The following CAMTA1 variants were observed in gnomAD, a reference collection of about 807,000 sequenced individuals.
The protein encoded by CAMTA1 is calmodulin-binding transcription activator 1.
CAMTA1 carries 27 observed loss-of-function variants against 170.9 expected under a neutral mutation model. The ratio of observed to expected loss-of-function variants is 0.16; its 90% CI spans 0.12 to 0.22. CAMTA1 has a LOEUF of 0.22. CAMTA1 is among the 10% of genes least tolerant of loss of function. The pLI is 1.00. For synonymous variants in CAMTA1, 833 were observed against 891.5 expected (o/e 0.93, Z 1.17); for missense variants, 1,619 against 2,217.2 (o/e 0.73, Z 5.42).
At chr1:7,652,944 G>T (rs539615848) in intron 7 of CAMTA1, among the ~76,000 whole-genome samples, 15 of 152,302 alleles carry the variant, frequency 9.8e-5, no homozygotes, top group African/African-American at 3.1e-4. Context: ...TCTCGGTTTT[G>T]GCATTAATAA....
chr1:7,703,357 G>A lies in CAMTA1; in HGVS notation c.2914+25624G>A, dbSNP rs116766635. Among the ~76,000 whole-genome samples the A allele has an allele frequency of 3.3e-3, 505 of 152,314 alleles. 1 individual carries two copies. The highest frequency in any genetic ancestry group is 0.012 in the African/African-American group (487 of 41,568). On this transcript the variant is annotated intron_variant, in intron 11 of 22. Transcript: ENST00000303635. The stretch of plus-strand genomic sequence containing the variant: ...CAGTGGGAATACTGACCTAGAGCAG[G>A]ATTGGAATATGTACTGGGGCTTTGC...
rs568775855 is a variant in CAMTA1, at chr1:7,417,425, C to G, written c.439-50405C>G. 3.3e-5 allele frequency among the ~76,000 whole-genome samples: 5 copies of G among 152,338 alleles called. No individual in the cohort carries two copies. In the South Asian group the frequency reaches 6.2e-4, roughly 19 times the overall value. On this transcript the variant is annotated intron_variant, in intron 5 of 22. Transcript: ENST00000303635. ...CCTCTTGAGCTGTGGTGGGCTCCAC[C>G]CAGTTCGAGCTTCCCGGCTGCTTTG...
At position 7,314,232 on chromosome 1, in the gene CAMTA1, A is replaced by G. The variant is rs550225355; in HGVS notation, c.438+64606A>G. On this transcript the variant is annotated intron_variant, in intron 5 of 22. Coordinates refer to ENST00000303635, the MANE Select transcript of CAMTA1 (RefSeq NM_015215.4). ...TCTCTACACATAGGGCAACCGTTTG[A>G]GTACTGAAGCAGGGTCCTCCAGCAG... Among the ~76,000 whole-genome samples the G allele has an allele frequency of 3.6e-4, 55 of 152,282 alleles. 2 individuals are homozygous for G. The South Asian group carries it at 0.011, about 31-fold the overall frequency.
intron 4 of CAMTA1, among the ~76,000 whole-genome samples, chr1:7,102,838 G>C (rs1038256291): frequency 6.6e-6 from 1 of 152,074 alleles, no homozygotes; most frequent in Non-Finnish European, 1.5e-5. Context: ...GGTTATGAGC[G>C]AGCCCTTTTA....
At chr1:7,445,329 G>A (rs887912898) in intron 5 of CAMTA1, among the ~76,000 whole-genome samples, 4 of 151,822 alleles carry the variant, frequency 2.6e-5, no homozygotes, top group Admixed American at 2.6e-4. Flanking sequence ...GCTGCTATGA[G>A]GAAAGACTGC....
intron 3 of CAMTA1, among the ~76,000 whole-genome samples, chr1:6,964,651 C>T (rs931874824): frequency 6.6e-6 from 1 of 152,224 alleles, no homozygotes; most frequent in East Asian, 1.9e-4. Context: ...CAAGTAGAAA[C>T]GTGACTGATA....
intron 4 of CAMTA1, among the ~76,000 whole-genome samples, chr1:7,182,096 A>G (rs916869463): frequency 1.2e-4 from 19 of 152,290 alleles, no homozygotes; most frequent in African/African-American, 4.3e-4. Context: ...TGGTATCTCA[A>G]ATCACTGGAG....
intron 5 of CAMTA1, among the ~76,000 whole-genome samples, chr1:7,287,453 C>A (rs531728349): frequency 6.6e-6 from 1 of 152,302 alleles, no homozygotes; most frequent in Non-Finnish European, 1.5e-5. Context: ...GCTATTCTAA[C>A]CAAGTTCCTC....
Position 6,934,520 on chromosome 1 carries a change from A to G in CAMTA1, c.234+109310A>G, listed in dbSNP as rs959680015. Among the ~76,000 whole-genome samples, 1 of 151,976 alleles carries G rather than the reference A, an allele frequency of 6.6e-6. No homozygotes were observed. The highest frequency in any genetic ancestry group is 1.5e-5 in the Non-Finnish European group (1 of 67,984). ...GAACATTCCTTTGAGGAGGAGAGAAAAGGAACTTGGCCACTGTGGACCCGC... is the reference window on the plus strand; with the variant it reads ...GAACATTCCTTTGAGGAGGAGAGAAGAGGAACTTGGCCACTGTGGACCCGC... On this transcript the variant is annotated intron_variant, in intron 3 of 22. Coordinates refer to ENST00000303635, the MANE Select transcript of CAMTA1 (RefSeq NM_015215.4). The surrounding 1 kb of genome is among the most constrained non-coding windows in gnomAD (Gnocchi z 4.5).
chr1:7,484,732 T>C (rs1014129513), intron 6 of CAMTA1, among the ~76,000 whole-genome samples: 1 of 151,502 alleles, frequency 6.6e-6, no homozygotes, highest in Non-Finnish European at 1.5e-5. Context: ...GAGCTTGCAG[T>C]GAGCTGAGAT....
chr1:7,653,116 T>C (rs2095858240), intron 7 of CAMTA1, among the ~76,000 whole-genome samples: 1 of 152,180 alleles, frequency 6.6e-6, no homozygotes. Flanking sequence ...GGGCGGGGCC[T>C]GAGAATGTGC....
intron 3 of CAMTA1, among the ~76,000 whole-genome samples, chr1:6,969,751 C>G (rs1360807778): frequency 6.6e-6 from 1 of 152,210 alleles, no homozygotes; most frequent in African/African-American, 2.4e-5. Flanking sequence ...CATCCACATT[C>G]CTCAGCAATG....
intron 6 of CAMTA1, among the ~76,000 whole-genome samples, chr1:7,626,956 G>A (rs754123319): frequency 2.0e-5 from 3 of 152,128 alleles, no homozygotes; most frequent in Non-Finnish European, 2.9e-5. Context: ...ACTAGAGAAG[G>A]GGCTGGAGGC....
intron 11 of CAMTA1, among the ~76,000 whole-genome samples, chr1:7,683,737 C>A (rs1483235065): frequency 6.6e-6 from 1 of 152,246 alleles, no homozygotes; most frequent in Non-Finnish European, 1.5e-5. Flanking sequence ...CAGTGCCATG[C>A]TCCAAAGCAC....
chr1:7,398,183 CTCTCTCTCTCTATA>C (rs1190399005), intron 5 of CAMTA1, among the ~76,000 whole-genome samples: 8 of 45,236 alleles, frequency 1.8e-4, no homozygotes, highest in Admixed American at 6.3e-4. Context: ...CTCTCTCTCT[CTCTCTCTCTCTATA>C]TATATATATA....
intron 5 of CAMTA1, among the ~76,000 whole-genome samples, chr1:7,439,889 C>T (rs1045996782): frequency 2.6e-5 from 4 of 152,236 alleles, no homozygotes. Context: ...CATCTCCAAC[C>T]TTGGCTTCCT....
At chr1:7,118,349 G>C (rs923175262) in intron 4 of CAMTA1, among the ~76,000 whole-genome samples, 26 of 146,302 alleles carry the variant, frequency 1.8e-4, no homozygotes, top group Admixed American at 3.5e-4. Context: ...CTGGAGTGCA[G>C]TGGTGCAGTC....
At chr1:7,475,560 AC>A (rs1471436914) in intron 6 of CAMTA1, among the ~76,000 whole-genome samples, 1 of 152,104 alleles carries the variant, frequency 6.6e-6, no homozygotes, top group East Asian at 1.9e-4. Flanking sequence ...TGTTATAAGC[AC>A]CCTGTGTTAC....
intron 4 of CAMTA1, among the ~76,000 whole-genome samples, chr1:7,199,521 A>AC (rs1226642618): frequency 6.6e-6 from 1 of 151,724 alleles, no homozygotes; most frequent in Non-Finnish European, 1.5e-5. Flanking sequence ...CTGGTGCACA[A>AC]CCCCCTTCCC....
Sources: allele counts gnomAD v4.1 joint callset (sites outside exome capture counted in the v4.1 genomes callset), GRCh38; gene constraint gnomAD v4.1.1; non-coding constraint Gnocchi (gnomAD v3.1); transcripts MANE v1.5; gene names NCBI Gene and HGNC (gene_info 2026-07-23, HGNC 2026-07-21).